COBLL1: variants seen among roughly 807,000 people sequenced by gnomAD.
COBLL1 encodes cordon-bleu protein-like 1.
A neutral mutation model predicts 94.8 loss-of-function variants in COBLL1; 50 were observed. That is an observed-to-expected ratio of 0.53 (90% CI 0.42 to 0.67). The LOEUF (loss-of-function observed/expected upper bound fraction) is 0.67. Among genes scored for constraint, COBLL1 ranks in the 30% least tolerant of loss-of-function variants. COBLL1 has a pLI of 0.00. For missense variants in COBLL1, 1,362 were observed against 1,348.7 expected (o/e 1.01, Z -0.15); for synonymous variants, 448 against 473.8 (o/e 0.95, Z 0.71).
intron 2 of COBLL1, among the ~76,000 whole-genome samples, chr2:164,661,378 A>G (rs1049096186): frequency 6.6e-6 from 1 of 152,146 alleles, no homozygotes; most frequent in African/African-American, 2.4e-5. Context: ...AGAAACTATA[A>G]TGATTTGGGG....
rs143878349 is a variant in COBLL1 at position 164,708,675 on chromosome 2, G to A, written c.997-3570C>T. Among the ~76,000 whole-genome samples the A allele has an allele frequency of 5.3e-3, 809 of 152,198 alleles. 3 individuals are homozygous for A. The highest frequency in any genetic ancestry group is 8.7e-3 in the Non-Finnish European group (591 of 68,008). ...AGTAGAAGATGTGATTTTATTTCTC[G>A]GATTTACTTCTGTAAAGCCCTATTA... is the stretch of plus-strand genomic sequence containing the variant. On this transcript the variant is annotated intron_variant, in intron 7 of 13. Transcript: ENST00000652658.
chr2:164,737,718 C>T (rs182225915), intron 3 of COBLL1, among the ~76,000 whole-genome samples: 2 of 152,180 alleles, frequency 1.3e-5, no homozygotes, highest in Admixed American at 1.3e-4. Context: ...TGTTGTTACT[C>T]TCGTTTTTTC....
At chr2:164,677,414 T>G (rs1156992209), downstream of COBLL1, among the ~76,000 whole-genome samples, 1 of 152,124 alleles carries the variant, frequency 6.6e-6, no homozygotes, top group Admixed American at 6.6e-5. Context: ...AGGAACAAGA[T>G]CAAATTGTGT....
chr2:164,774,078 T>C (rs570893905), intron 2 of COBLL1, among the ~76,000 whole-genome samples: 2 of 152,318 alleles, frequency 1.3e-5, no homozygotes, highest in South Asian at 2.1e-4. Context: ...TCTTTAATTA[T>C]CTTAATTCAT....
Position 164,683,380 on chromosome 2 carries a change from C to A in COBLL1, c.*2566G>T, listed in dbSNP as rs1208471601. ...ACTACTTGTCACAAATTTCTTTCCC[C>A]ATTGACAGGATAGCACATGTTCTCC... On this transcript the variant is annotated 3_prime_UTR_variant, in exon 14 of 14. Transcript: ENST00000652658. 1 of 151,972 alleles carries A rather than the reference C, an allele frequency of 6.6e-6. No individual in the cohort carries two copies. The highest frequency in any genetic ancestry group is 1.5e-5 in the Non-Finnish European group (1 of 67,954). 9.4% of individuals were successfully genotyped at this position (151,972 alleles called of 1,614,324 possible).
chr2:164,690,327 G>A (rs747665878), intron 13 of COBLL1, among the ~76,000 whole-genome samples: 1 of 152,094 alleles, frequency 6.6e-6, no homozygotes, highest in Non-Finnish European at 1.5e-5. Context: ...TATGCTCAGA[G>A]CTATCAATAA....
At chr2:164,780,949 G>C (rs1248032437) in intron 2 of COBLL1, among the ~76,000 whole-genome samples, 1 of 152,126 alleles carries the variant, frequency 6.6e-6, no homozygotes, top group Non-Finnish European at 1.5e-5. Flanking sequence ...AGAATACCTT[G>C]CCTGTGATGT....
In COBLL1 at chr2:164,800,649, T is replaced by C. The variant is rs561637138; in HGVS notation, c.41+40507A>G. 22 of 679,992 alleles carry C rather than the reference T, an allele frequency of 3.2e-5. No homozygotes were observed. The Admixed American group carries it at 4.1e-4, about 13-fold the overall frequency. 42.1% of individuals were successfully genotyped at this position (679,992 alleles called of 1,614,324 possible). A position where few individuals can be genotyped will look rare whatever the true frequency, so the allele number is the denominator to read the frequency against. Reference sequence around the variant, plus strand: ...CATAATGAACCCAAACTGGAAACAATCTAACTGGTATTCAATGGGTGAATG... The same window carrying C: ...CATAATGAACCCAAACTGGAAACAACCTAACTGGTATTCAATGGGTGAATG... On this transcript the variant is annotated intron_variant, in intron 2 of 13. Transcript: ENST00000652658.
At position 164,818,763 on chromosome 2, in the gene COBLL1, T is replaced by C. The variant is rs573478899; in HGVS notation, c.41+22393A>G. ...AACATATAGTATATATATGTACTTA[T>C]GTAAACATATATATATATACATATA... is the stretch of plus-strand genomic sequence containing the variant. On this transcript the variant is annotated intron_variant, in intron 2 of 13. Transcript: ENST00000652658. 5.0e-5 allele frequency among the ~76,000 whole-genome samples: 7 copies of C among 140,354 alleles called. No homozygotes were observed. The South Asian group carries it at 1.1e-3, about 22-fold the overall frequency. The allele number at this position is 140,354 out of a possible 152,430, so 92.1% of individuals were successfully genotyped here.
At chr2:164,833,525 A>G (rs1574672854) in intron 2 of COBLL1, among the ~76,000 whole-genome samples, 2 of 146,292 alleles carry the variant, frequency 1.4e-5, no homozygotes, top group South Asian at 4.3e-4. Flanking sequence ...ATCCCGGCTC[A>G]CTGCAAGCTC....
chr2:164,707,607 A>G (rs10193724), intron 7 of COBLL1, among the ~76,000 whole-genome samples: 21,097 of 152,196 alleles, frequency 0.14, 2,569 homozygotes, highest in African/African-American at 0.33. Context: ...ACAGAGGCAG[A>G]GATTTTTTTC....
chr2:164,758,680 T>A (rs1047311647), intron 2 of COBLL1, among the ~76,000 whole-genome samples: 2 of 152,170 alleles, frequency 1.3e-5, no homozygotes, highest in African/African-American at 4.8e-5. Context: ...TTTTTAATGA[T>A]TAACAAAAAT....
intron 2 of COBLL1, among the ~76,000 whole-genome samples, chr2:164,779,984 A>ATGATATGATACTTT (rs1688660288): frequency 6.6e-6 from 1 of 152,186 alleles, no homozygotes; most frequent in African/African-American, 2.4e-5. Context: ...TTTTAAAAAT[A>ATGATATGATACTTT]TGATATGATA....
intron 2 of COBLL1, among the ~76,000 whole-genome samples, chr2:164,781,541 C>G (rs1002778411): frequency 1.3e-5 from 2 of 152,164 alleles, no homozygotes; most frequent in Non-Finnish European, 2.9e-5. Flanking sequence ...TTCTCACAAT[C>G]CACAGACACA....
intron 12 of COBLL1, 87 bp from the exon 13 acceptor site, chr2:164,692,484 T>C (rs1200360626): frequency 9.8e-7 from 1 of 1,025,310 alleles, no homozygotes; most frequent in Non-Finnish European, 1.4e-6. Context: ...TCAATAGTTC[T>C]TTAACAATCA....
chr2:164,687,221 T>TTTTTTTTTTATTTTTTTTA (rs1347984870), intron 13 of COBLL1: 6 of 408,892 alleles, frequency 1.5e-5, no homozygotes, highest in African/African-American at 1.2e-4. Flanking sequence ...TTCTTTTTTT[T>TTTTTTTTTTATTTTTTTTA]TTTTTTGGAG....
chr2:164,777,950 A>G, intron 2 of COBLL1, among the ~76,000 whole-genome samples: 1 of 152,348 alleles, frequency 6.6e-6, no homozygotes, highest in African/African-American at 2.4e-5. Flanking sequence ...TGCCCTGCTA[A>G]ACACAGCATT....
intron 7 of COBLL1, among the ~76,000 whole-genome samples, chr2:164,712,280 CAG>C (rs911482376): frequency 9.9e-5 from 15 of 152,138 alleles, no homozygotes; most frequent in African/African-American, 3.4e-4. Flanking sequence ...TAAAAACACT[CAG>C]GGGATAGAAA....
At chr2:164,757,100 T>C (rs1687448198) in intron 2 of COBLL1, among the ~76,000 whole-genome samples, 1 of 152,176 alleles carries the variant, frequency 6.6e-6, no homozygotes, top group Non-Finnish European at 1.5e-5. Flanking sequence ...GTGAGGATTT[T>C]TAAAAATCTC....
Sources: gnomAD v4.1 joint callset for allele counts (sites outside exome capture counted in the v4.1 genomes callset) on GRCh38, gnomAD v4.1.1 for gene constraint, MANE v1.5 for transcripts, NCBI Gene and HGNC (gene_info 2026-07-23, HGNC 2026-07-21) for gene names.